PPT2: variants seen among roughly 807,000 people sequenced by gnomAD.
The protein encoded by PPT2 is lysosomal thioesterase PPT2.
Under a neutral mutation model 37.3 loss-of-function variants are expected in PPT2, and 20 were observed. That is an observed-to-expected ratio of 0.54 (90% CI 0.38 to 0.78). PPT2 has a LOEUF of 0.78. Ranked by LOEUF, PPT2 falls within the 30% of genes least tolerant of loss-of-function variation. The pLI, the probability that PPT2 is intolerant of heterozygous loss-of-function variation, is 0.00. For synonymous variants in PPT2, 135 were observed against 159.1 expected, an observed-to-expected ratio of 0.85 and a Z score of 1.14; for missense variants, 270 against 389.8, an observed-to-expected ratio of 0.69 and a Z score of 2.59.
intron 7 of PPT2, chr6:32,158,200 T>G: frequency 2.4e-6 from 1 of 420,144 alleles, no homozygotes; most frequent in Non-Finnish European, 4.2e-6. Context: ...TATAGATTCA[T>G]AGGAAATTGC....
At position 32,162,499 on chromosome 6, in the gene PPT2, C is replaced by A; in HGVS notation, c.711-69C>A. 1 of 1,455,588 alleles carries A rather than the reference C, an allele frequency of 6.9e-7. No individual in the cohort carries two copies. Among genetic ancestry groups the A allele is most frequent in the Non-Finnish European group, 9.6e-7 (1 of 1,037,398 alleles). 90.2% of individuals were successfully genotyped at this position (1,455,588 alleles called of 1,614,324 possible). ...CCTCCCAAAGTGCTGCAATTACAGG[C>A]GTGTGCCACTGCGCCCGGCCAGATT... On this transcript the variant is annotated intron_variant, in intron 7 of 8. Coordinates refer to ENST00000324816, the MANE Select transcript of PPT2 (RefSeq NM_005155.7). This position sits in a 1 kb window ranked among gnomAD's most constrained non-coding sequence, Gnocchi z 5.5.
Position 32,155,226 on chromosome 6 carries a change from G to T in PPT2, c.337+43G>T. 1 of 1,605,846 alleles carries T rather than the reference G, an allele frequency of 6.2e-7. No individual in the cohort carries two copies. Among genetic ancestry groups the T allele is most frequent in the Non-Finnish European group, 8.5e-7 (1 of 1,174,158 alleles). ...CCCTAACTCCTAAGCCCTATCTGAG[G>T]CTTGATCCTTATCTGAGGGACACTT... is the stretch of plus-strand genomic sequence containing the variant. On this transcript the variant is annotated intron_variant, in intron 3 of 8. Coordinates refer to ENST00000324816, the MANE Select transcript of PPT2 (RefSeq NM_005155.7). The surrounding 1 kb of genome is among the most constrained non-coding windows in gnomAD (Gnocchi z 4.3).
rs748532154 is a variant in PPT2 at position 32,154,700 on chromosome 6, T to C, written c.106T>C (p.Tyr36His). Residue 36 changes from tyrosine (Y) to histidine (H), a missense_variant, in exon 2 of 9, where the codon TAC (tyrosine) becomes CAC (histidine). Tyr to His is a moderately conservative substitution (Grantham distance 83, BLOSUM62 2). Transcript: ENST00000324816. The surrounding 1 kb of genome is among the most constrained non-coding windows in gnomAD (Gnocchi z 7.3). ...AGCCCCCGCGCCCCACCGCGCGTCCTACAAGCCGGTCATCGTGGTGCATGG... is the reference window on the plus strand; with the variant it reads ...AGCCCCCGCGCCCCACCGCGCGTCCCACAAGCCGGTCATCGTGGTGCATGG... ...LAAPAPHRAS[Y>H]KPVIVVHGLF... 2.5e-6 allele frequency: 4 copies of C among 1,613,110 alleles called. No homozygotes were observed. Among genetic ancestry groups the C allele is most frequent in the Non-Finnish European group, 8.5e-7 (1 of 1,180,014 alleles).
At position 32,154,404 on chromosome 6, in the gene PPT2, G is replaced by A; in HGVS notation, c.-9G>A. The A allele has an allele frequency of 2.1e-6, 3 of 1,448,718 alleles. No individual in the cohort carries two copies. Among genetic ancestry groups the A allele is most frequent in the Non-Finnish European group, 2.7e-6 (3 of 1,107,288 alleles). The allele number at this position is 1,448,718 out of a possible 1,614,324, so 89.7% of individuals were successfully genotyped here. A position where few individuals can be genotyped will look rare whatever the true frequency, so the allele number is the denominator to read the frequency against. On this transcript the variant is annotated splice_region_variant and 5_prime_UTR_variant, in exon 1 of 9. Transcript: ENST00000324816. This position sits in a 1 kb window ranked among gnomAD's most constrained non-coding sequence, Gnocchi z 7.3. ...GGAGGCGGGACTTCGGGTGCGCGTT[G>A]GTGCGTCAACGTGGTGGGGGGGTGT...
At chr6:32,158,915 T>C (rs1337636880) in intron 7 of PPT2, among the ~76,000 whole-genome samples, 4 of 151,962 alleles carry the variant, frequency 2.6e-5, no homozygotes, top group African/African-American at 7.3e-5. Context: ...CTAAAAGTGG[T>C]AGCAGGGGAC....
At chr6:32,153,778 C>A (rs1241557333), upstream of PPT2, 4 of 1,158,924 alleles carry the variant, frequency 3.5e-6, no homozygotes, top group African/African-American at 4.7e-5. This position sits in a 1 kb window ranked among gnomAD's most constrained non-coding sequence, Gnocchi z 4.4. Context: ...TTCCCTGGTC[C>A]GCCCCCTGGC....
Position 32,163,018 on chromosome 6 carries a change from G to A in PPT2, c.*68G>A. The stretch of plus-strand genomic sequence containing the variant: ...CAAGTGGTGGCCTTGGAAAGCAGAT[G>A]TCAGGCTTTGGTGTGCCTGTGACCA... On this transcript the variant is annotated 3_prime_UTR_variant, in exon 9 of 9. Transcript: ENST00000324816. 6.7e-7 allele frequency: 1 copy of A among 1,503,180 alleles called. No homozygotes were observed. The highest frequency in any genetic ancestry group is 9.0e-7 in the Non-Finnish European group (1 of 1,106,044). The allele number at this position is 1,503,180 out of a possible 1,614,324, so 93.1% of individuals were successfully genotyped here.
rs1783792993 is a variant in PPT2 at position 32,156,181 on chromosome 6, C to T, written c.541+203C>T. Among the ~76,000 whole-genome samples, 1 of 151,988 alleles carries T rather than the reference C, an allele frequency of 6.6e-6. No homozygotes were observed. Among genetic ancestry groups the T allele is most frequent in the Non-Finnish European group, 1.5e-5 (1 of 67,996 alleles). On this transcript the variant is annotated intron_variant, in intron 5 of 8. Coordinates refer to ENST00000324816, the MANE Select transcript of PPT2 (RefSeq NM_005155.7). This position sits in a 1 kb window ranked among gnomAD's most constrained non-coding sequence, Gnocchi z 4.9. ...GAGTGCAGTGCACCATCTTGGCTCA[C>T]TGCAACCTCCGCCTCCCAGGTTCAA... is the stretch of plus-strand genomic sequence containing the variant.
At chr6:32,157,414 T>C (rs1783870050) in intron 5 of PPT2, 1 of 586,388 alleles carries the variant, frequency 1.7e-6, no homozygotes, top group South Asian at 2.0e-5. Flanking sequence ...GGTTTCGCCA[T>C]GTTAGCCAGG....
Position 32,156,181 on chromosome 6 carries a change from CT to C in PPT2, c.541+204del, listed in dbSNP as rs1783793261. 6.6e-6 allele frequency among the ~76,000 whole-genome samples: 1 copy of C among 151,988 alleles called. No individual in the cohort carries two copies. Among genetic ancestry groups the C allele is most frequent in the African/African-American group, 2.4e-5 (1 of 41,352 alleles). On this transcript the variant is annotated intron_variant, in intron 5 of 8. Coordinates refer to ENST00000324816, the MANE Select transcript of PPT2 (RefSeq NM_005155.7). The surrounding 1 kb of genome is among the most constrained non-coding windows in gnomAD (Gnocchi z 4.9). ...GAGTGCAGTGCACCATCTTGGCTCA[CT>C]GCAACCTCCGCCTCCCAGGTTCAAG...
At chr6:32,160,819 C>A (rs891360127) in intron 7 of PPT2, among the ~76,000 whole-genome samples, 4 of 151,998 alleles carry the variant, frequency 2.6e-5, no homozygotes, top group Non-Finnish European at 4.4e-5. Flanking sequence ...AAAACCCTGT[C>A]TTTACCTAAA....
chr6:32,154,226 A>T lies in PPT2; in HGVS notation c.-187A>T. Reference sequence around the variant, plus strand: ...GGATAAGTAAACAGCGGGTGGAGCGAGGCCTACGGACCCAGGCCAGGTGGG... The same window carrying T: ...GGATAAGTAAACAGCGGGTGGAGCGTGGCCTACGGACCCAGGCCAGGTGGG... On this transcript the variant is annotated 5_prime_UTR_variant, in exon 1 of 9. Transcript: ENST00000324816. The surrounding 1 kb of genome is among the most constrained non-coding windows in gnomAD (Gnocchi z 7.3). The T allele has an allele frequency of 1.5e-5, 18 of 1,166,060 alleles. No individual in the cohort carries two copies. The highest frequency in any genetic ancestry group is 1.8e-5 in the Non-Finnish European group (17 of 944,530). The allele number at this position is 1,166,060 out of a possible 1,614,324, so 72.2% of individuals were successfully genotyped here.
Position 32,155,564 on chromosome 6 carries a change from G to T in PPT2, c.338-124G>T. On this transcript the variant is annotated intron_variant, in intron 3 of 8. Coordinates refer to ENST00000324816, the MANE Select transcript of PPT2 (RefSeq NM_005155.7). This position sits in a 1 kb window ranked among gnomAD's most constrained non-coding sequence, Gnocchi z 4.3. ...TAAGCCTCAGTCTCCTTTGTGTACA[G>T]TGTGTGTCTGTGTGTGTCTCTGTGT... The T allele has an allele frequency of 2.5e-6, 2 of 811,296 alleles. No homozygotes were observed. Among genetic ancestry groups the T allele is most frequent in the East Asian group, 2.5e-5 (1 of 40,352 alleles). The allele number at this position is 811,296 out of a possible 1,614,324, so 50.3% of individuals were successfully genotyped here.
Position 32,162,983 on chromosome 6 carries a change from G to C in PPT2, c.*33G>C. 6.3e-7 allele frequency: 1 copy of C among 1,583,536 alleles called. No homozygotes were observed. Among genetic ancestry groups the C allele is most frequent in the Non-Finnish European group, 8.6e-7 (1 of 1,163,360 alleles). ...TTCAGGGGTCCCCAGGAACTCCTCG[G>C]TCCAGAGACCAAGTGGTGGCCTTGG... On this transcript the variant is annotated 3_prime_UTR_variant, in exon 9 of 9. Transcript: ENST00000324816. The surrounding 1 kb of genome is among the most constrained non-coding windows in gnomAD (Gnocchi z 5.5).
In PPT2 at chr6:32,156,973, G is replaced by A. The variant is rs1485335753; in HGVS notation, c.542-664G>A. The A allele has an allele frequency of 6.6e-6, 1 of 151,448 alleles. No individual in the cohort carries two copies. The highest frequency in any genetic ancestry group is 2.4e-5 in the African/African-American group (1 of 41,176). 9.4% of individuals were successfully genotyped at this position (151,448 alleles called of 1,614,324 possible). A position where few individuals can be genotyped will look rare whatever the true frequency, so the allele number is the denominator to read the frequency against. On this transcript the variant is annotated intron_variant, in intron 5 of 8. Coordinates refer to ENST00000324816, the MANE Select transcript of PPT2 (RefSeq NM_005155.7). This position sits in a 1 kb window ranked among gnomAD's most constrained non-coding sequence, Gnocchi z 4.9. ...AGGTGGGCGCATCACCTGAGGTCGG[G>A]TTCGAGACCAGCCTGGCCAACATGG... is the stretch of plus-strand genomic sequence containing the variant.
At chr6:32,157,957 T>C in intron 7 of PPT2, 33 bp downstream of exon 7, 1 of 1,553,358 alleles carries the variant, frequency 6.4e-7, no homozygotes, top group Non-Finnish European at 8.9e-7. Context: ...GAAGATTGGC[T>C]AAAGACATCC....
At position 32,156,059 on chromosome 6, in the gene PPT2, C is replaced by T. The variant is rs1783780937; in HGVS notation, c.541+81C>T. 35 of 1,070,412 alleles carry T rather than the reference C, an allele frequency of 3.3e-5. No individual in the cohort carries two copies. The South Asian group carries it at 4.3e-4, about 13-fold the overall frequency. The allele number at this position is 1,070,412 out of a possible 1,614,324, so 66.3% of individuals were successfully genotyped here. A position where few individuals can be genotyped will look rare whatever the true frequency, so the allele number is the denominator to read the frequency against. On this transcript the variant is annotated intron_variant, in intron 5 of 8. Transcript: ENST00000324816. The surrounding 1 kb of genome is among the most constrained non-coding windows in gnomAD (Gnocchi z 4.9). The stretch of plus-strand genomic sequence containing the variant: ...CTGCTACAACCAATAGCAGTGATGA[C>T]AATAAAGATAACTTACATTTATTGA...
At position 32,157,629 on chromosome 6, in the gene PPT2, G is replaced by GT; in HGVS notation, c.542-7dup. On this transcript the variant is annotated splice_polypyrimidine_tract_variant and splice_region_variant and intron_variant, in intron 5 of 8. Transcript: ENST00000324816. ...CTGCTTCTTTTTCTAACTGCTGTTT[G>GT]TACCCAGATCCCCACCACGATGACT... 1 of 1,579,134 alleles carries GT rather than the reference G, an allele frequency of 6.3e-7. No homozygotes were observed. Among genetic ancestry groups the GT allele is most frequent in the South Asian group, 1.1e-5 (1 of 90,314 alleles).
Position 32,162,826 on chromosome 6 carries a change from T to C in PPT2, c.785T>C (p.Phe262Ser), listed in dbSNP as rs564627279. Residue 262 changes from phenylalanine (F) to serine (S), a missense_variant, in exon 9 of 9, where the codon TTT (phenylalanine) becomes TCT (serine). Physicochemically the swap from Phe to Ser is radical, Grantham distance 155 (BLOSUM62 -2). Transcript: ENST00000324816. This position sits in a 1 kb window ranked among gnomAD's most constrained non-coding sequence, Gnocchi z 5.5. ...TTGAAGGTTTATCTGCGGGATTCTT[T>C]TGGGTTGAAGACTCTATTGGCCCGG... Reference protein sequence around the residue: ...EEQLVYLRDSFGLKTLLARGA... With the variant: ...EEQLVYLRDSSGLKTLLARGA... The C allele has an allele frequency of 2.5e-6, 4 of 1,613,718 alleles. No homozygotes were observed. Among genetic ancestry groups the C allele is most frequent in the Non-Finnish European group, 3.4e-6 (4 of 1,179,824 alleles).
Sources: allele counts gnomAD v4.1 joint callset (sites outside exome capture counted in the v4.1 genomes callset), GRCh38; gene constraint gnomAD v4.1.1; non-coding constraint Gnocchi (gnomAD v3.1); transcripts MANE v1.5; gene names NCBI Gene and HGNC (gene_info 2026-07-23, HGNC 2026-07-21).